The following SHANK2 variants were observed in gnomAD, a reference collection of about 807,000 sequenced individuals.
SHANK2 encodes SH3 and multiple ankyrin repeat domains protein 2.
A neutral mutation model predicts 133.7 loss-of-function variants in SHANK2; 43 were observed. The observed-to-expected ratio is 0.32, with a 90% confidence interval of 0.25 to 0.41. SHANK2 has a LOEUF of 0.41. SHANK2 is among the 10% of genes least tolerant of loss of function. The pLI is 1.00. For missense variants in SHANK2, 1,994 were observed against 2,235.8 expected (o/e 0.89, Z 2.18); for synonymous variants, 1,017 against 952.8 (o/e 1.07, Z -1.24).
At chr11:71,119,248 G>A (rs2135268696) in intron 3 of SHANK2, among the ~76,000 whole-genome samples, 1 of 152,268 alleles carries the variant, frequency 6.6e-6, no homozygotes, top group East Asian at 1.9e-4. Context: ...GAAAGACCGA[G>A]GCATTGGTCT....
intron 15 of SHANK2, among the ~76,000 whole-genome samples, chr11:70,666,934 C>T (rs555800611): frequency 3.3e-4 from 50 of 152,106 alleles, no homozygotes; most frequent in Non-Finnish European, 6.2e-4. Context: ...GGCACTTTGA[C>T]ATGCCCCAAA....
chr11:70,764,274 C>T (rs1434104206), intron 14 of SHANK2, among the ~76,000 whole-genome samples: 1 of 150,890 alleles, frequency 6.6e-6, no homozygotes, highest in Non-Finnish European at 1.5e-5. Flanking sequence ...TCCATCCACA[C>T]ATCCATGCAT....
chr11:71,228,769 T>A (rs1565528156), intron 1 of SHANK2, among the ~76,000 whole-genome samples: 1 of 152,114 alleles, frequency 6.6e-6, no homozygotes, highest in Admixed American at 6.6e-5. Flanking sequence ...AAAAATTAAT[T>A]AATAATTTTT....
At chr11:70,951,580 T>C (rs5020505) in intron 10 of SHANK2, among the ~76,000 whole-genome samples, 47 of 41,390 alleles carry the variant, frequency 1.1e-3, no homozygotes, top group Admixed American at 1.9e-3. Context: ...ATTCATTTCC[T>C]CTGGCTGCTG....
At chr11:70,753,348 C>T (rs1461711524) in intron 14 of SHANK2, among the ~76,000 whole-genome samples, 5 of 152,034 alleles carry the variant, frequency 3.3e-5, no homozygotes, top group African/African-American at 9.7e-5. Context: ...TAAAGAACAC[C>T]GCACTCAACA....
intron 2 of SHANK2, among the ~76,000 whole-genome samples, chr11:71,169,189 T>A (rs542935819): frequency 6.6e-6 from 1 of 152,274 alleles, no homozygotes; most frequent in East Asian, 1.9e-4. Context: ...TACTGGCTTA[T>A]CCCATTGGAA....
chr11:70,617,047 G>A (rs1331766469), intron 17 of SHANK2, among the ~76,000 whole-genome samples: 1 of 152,056 alleles, frequency 6.6e-6, no homozygotes, highest in African/African-American at 2.4e-5. Flanking sequence ...ATGAGTGTGT[G>A]TGTAGGTGTG....
chr11:70,870,101 T>G (rs958844723), intron 11 of SHANK2, among the ~76,000 whole-genome samples: 1 of 152,142 alleles, frequency 6.6e-6, no homozygotes, highest in Non-Finnish European at 1.5e-5. Flanking sequence ...AATCCAATAA[T>G]TAGTGTCCTT....
Position 70,641,739 on chromosome 11 carries a change from G to T in SHANK2, c.2061+18089C>A, listed in dbSNP as rs2061185954. 2.0e-5 allele frequency among the ~76,000 whole-genome samples: 3 copies of T among 152,170 alleles called. No individual in the cohort carries two copies. In the South Asian group the frequency reaches 6.2e-4, roughly 31 times the overall value. ...GAGGGGCAATAAATATCTTTCCACGGCTCAAATGAACAGCCAGTTTTCAGT... is the reference window on the plus strand; with the variant it reads ...GAGGGGCAATAAATATCTTTCCACGTCTCAAATGAACAGCCAGTTTTCAGT... On this transcript the variant is annotated intron_variant, in intron 17 of 25. Transcript: ENST00000601538.
chr11:70,659,680 G>A (rs974891192), intron 17 of SHANK2, 148 bp downstream of exon 17: 2 of 958,864 alleles, frequency 2.1e-6, no homozygotes, highest in East Asian at 2.6e-5. Context: ...GGCACCCACG[G>A]TGGGAGAAAC....
At chr11:71,235,894 T>C (rs1251015589) in intron 1 of SHANK2, among the ~76,000 whole-genome samples, 4 of 152,206 alleles carry the variant, frequency 2.6e-5, no homozygotes, top group East Asian at 3.9e-4. Context: ...CCATCTCCCA[T>C]CCTGCCGGCT....
intron 2 of SHANK2, among the ~76,000 whole-genome samples, chr11:71,179,833 G>A (rs558026626): frequency 6.6e-6 from 1 of 152,090 alleles, no homozygotes; most frequent in Non-Finnish European, 1.5e-5. Flanking sequence ...ATTTACAAAC[G>A]CCAACAGAAA....
chr11:70,917,855 G>T (rs183082236), intron 10 of SHANK2, among the ~76,000 whole-genome samples: 53 of 152,236 alleles, frequency 3.5e-4, no homozygotes, highest in Admixed American at 9.2e-4. Context: ...AGCCTTTCAG[G>T]GGGGTGGAGG....
intron 2 of SHANK2, among the ~76,000 whole-genome samples, chr11:71,153,205 G>A (rs1555108432): frequency 1.3e-5 from 2 of 151,370 alleles, no homozygotes; most frequent in East Asian, 2.0e-4. Context: ...GGCTTCCCCA[G>A]GAAAAGCCAG....
At chr11:71,093,048 T>C (rs373240852) in intron 7 of SHANK2, among the ~76,000 whole-genome samples, 2 of 16,700 alleles carry the variant, frequency 1.2e-4, no homozygotes, top group African/African-American at 2.0e-4. Context: ...GTCTCAAAAA[T>C]AAAGGGGGGG....
At chr11:71,208,768 G>A (rs1250585558) in intron 2 of SHANK2, among the ~76,000 whole-genome samples, 3 of 152,174 alleles carry the variant, frequency 2.0e-5, no homozygotes, top group African/African-American at 7.2e-5. Flanking sequence ...CTTAACAAGA[G>A]AGTCTAGGAA....
At chr11:70,622,357 G>C (rs1338772606) in intron 17 of SHANK2, among the ~76,000 whole-genome samples, 1 of 150,412 alleles carries the variant, frequency 6.6e-6, no homozygotes, top group Non-Finnish European at 1.5e-5. Flanking sequence ...ACCACCCCCA[G>C]CCTCAGTCCT....
intron 15 of SHANK2, among the ~76,000 whole-genome samples, chr11:70,674,538 G>A (rs368912910): frequency 3.3e-5 from 5 of 152,322 alleles, no homozygotes; most frequent in East Asian, 1.9e-4. Flanking sequence ...TAGTACAGAC[G>A]GGGTTTTGCC....
rs535636995 is a variant in SHANK2, at chr11:70,924,553, T to C, written c.1108-27986A>G. ...CTCACCACAACCTCTGCCTCCTGGG[T>C]TCAAGTGGTTCTCCTGCCTCAGCCT... is the stretch of plus-strand genomic sequence containing the variant. On this transcript the variant is annotated intron_variant, in intron 10 of 25. Coordinates refer to ENST00000601538, the MANE Select transcript of SHANK2 (RefSeq NM_012309.5). 2.0e-5 allele frequency among the ~76,000 whole-genome samples: 3 copies of C among 152,232 alleles called. No homozygotes were observed. In the South Asian group the frequency reaches 6.2e-4, roughly 32 times the overall value.
Sources: gnomAD v4.1 joint callset for allele counts (sites outside exome capture counted in the v4.1 genomes callset) on GRCh38, gnomAD v4.1.1 for gene constraint, MANE v1.5 for transcripts, NCBI Gene and HGNC (gene_info 2026-07-23, HGNC 2026-07-21) for gene names.